The following YAP1 variants were observed in gnomAD, a reference collection of about 807,000 sequenced individuals.
YAP1 encodes Yes1 associated transcriptional regulator.
A neutral mutation model predicts 56.9 loss-of-function variants in YAP1; 5 were observed. The observed-to-expected ratio is 0.09, with a 90% CI of 0.05 to 0.18. The LOEUF is 0.18. Ranked by LOEUF, YAP1 falls within the 10% of genes least tolerant of loss-of-function variation. The pLI is 1.00. For synonymous variants in YAP1, 265 were observed against 248.1 expected (o/e 1.07, Z -0.64); for missense variants, 539 against 651.8 (o/e 0.83, Z 1.88).
At chr11:102,151,052 A>ATGCCTGACCCCGTGGTTGCTGGTCTCGAG (rs1945625702) in intron 2 of YAP1, among the ~76,000 whole-genome samples, 1 of 151,826 alleles carries the variant, frequency 6.6e-6, no homozygotes, top group African/African-American at 2.4e-5. Flanking sequence ...CTGGTCTCGA[A>ATGCCTGACCCCGTGGTTGCTGGTCTCGAG]TGCCTGACCC....
intron 6 of YAP1, among the ~76,000 whole-genome samples, chr11:102,210,830 G>A (rs903498833): frequency 1.3e-5 from 2 of 151,972 alleles, no homozygotes; most frequent in African/African-American, 2.4e-5. Flanking sequence ...TCGGCTCACT[G>A]CAAGCTCCGC....
chr11:102,215,842 T>G (rs1227935724), intron 6 of YAP1, among the ~76,000 whole-genome samples: 1 of 152,148 alleles, frequency 6.6e-6, no homozygotes, highest in Non-Finnish European at 1.5e-5. Context: ...GAAGATAAAA[T>G]AGTGTTGCTA....
At chr11:102,172,532 A>C (rs540684554) in intron 3 of YAP1, among the ~76,000 whole-genome samples, 74 of 137,600 alleles carry the variant, frequency 5.4e-4, no homozygotes, top group African/African-American at 1.9e-3. Flanking sequence ...GTGTATGCCT[A>C]TAGTCCCAGC....
chr11:102,198,209 C>G (rs576062843), intron 4 of YAP1, among the ~76,000 whole-genome samples: 9 of 152,218 alleles, frequency 5.9e-5, no homozygotes, highest in African/African-American at 2.2e-4. Flanking sequence ...TTTTGATATC[C>G]TAACTAATTT....
chr11:102,180,236 C>T (rs564153433), intron 3 of YAP1, among the ~76,000 whole-genome samples: 33 of 151,956 alleles, frequency 2.2e-4, no homozygotes, highest in African/African-American at 7.2e-4. Flanking sequence ...AGGCTGGTCT[C>T]GAACTCCTGA....
At chr11:102,206,566 C>A (rs1249308953) in intron 5 of YAP1, among the ~76,000 whole-genome samples, 1 of 152,206 alleles carries the variant, frequency 6.6e-6, no homozygotes, top group Non-Finnish European at 1.5e-5. Flanking sequence ...TTACCTTTGG[C>A]CAGGTGCGGT....
intron 3 of YAP1, among the ~76,000 whole-genome samples, chr11:102,164,920 C>G (rs1946510989): frequency 6.6e-6 from 1 of 152,166 alleles, no homozygotes; most frequent in Non-Finnish European, 1.5e-5. Context: ...AGGGTTTTCT[C>G]CATGTTGGTC....
intron 2 of YAP1, among the ~76,000 whole-genome samples, chr11:102,141,259 AT>A (rs1332385496): frequency 6.6e-6 from 1 of 152,144 alleles, no homozygotes; most frequent in Non-Finnish European, 1.5e-5. Context: ...TAGCATAGAG[AT>A]GCAGCACAAT....
chr11:102,146,958 A>G (rs1945355507), intron 2 of YAP1, among the ~76,000 whole-genome samples: 1 of 152,240 alleles, frequency 6.6e-6, no homozygotes, highest in African/African-American at 2.4e-5. Flanking sequence ...TCTATCAATA[A>G]TAACAATAAT....
At chr11:102,225,458 C>T (rs2135711102) in intron 7 of YAP1, among the ~76,000 whole-genome samples, 1 of 152,318 alleles carries the variant, frequency 6.6e-6, no homozygotes, top group South Asian at 2.1e-4. Flanking sequence ...GCACTCCAGC[C>T]TGGGCAACAA....
intron 3 of YAP1, among the ~76,000 whole-genome samples, chr11:102,177,327 T>G (rs1469001782): frequency 6.6e-6 from 1 of 152,182 alleles, no homozygotes; most frequent in Non-Finnish European, 1.5e-5. Flanking sequence ...GAGGACTTCC[T>G]CCTTAGAGGA....
chr11:102,140,407 T>C (rs1018346222), intron 2 of YAP1, among the ~76,000 whole-genome samples: 1 of 152,210 alleles, frequency 6.6e-6, no homozygotes, highest in Admixed American at 6.5e-5. Flanking sequence ...AAAAGTCATA[T>C]GGGCATTCTA....
intron 3 of YAP1, among the ~76,000 whole-genome samples, chr11:102,180,555 G>A (rs1227323449): frequency 2.6e-5 from 4 of 151,282 alleles, no homozygotes; most frequent in East Asian, 2.0e-4. Context: ...GGTGGCGGGC[G>A]CCTGTAGTCC....
At chr11:102,141,635 C>G (rs946113065) in intron 2 of YAP1, among the ~76,000 whole-genome samples, 1 of 152,138 alleles carries the variant, frequency 6.6e-6, no homozygotes, top group African/African-American at 2.4e-5. Flanking sequence ...GGATTTTATT[C>G]TGTATTGAAT....
At chr11:102,164,160 C>T (rs568809898) in intron 3 of YAP1, among the ~76,000 whole-genome samples, 1 of 152,054 alleles carries the variant, frequency 6.6e-6, no homozygotes, top group South Asian at 2.1e-4. Context: ...GCCTCAGCCT[C>T]CCGAGCTGGT....
At chr11:102,121,530 T>C (rs1471414313) in intron 2 of YAP1, among the ~76,000 whole-genome samples, 1 of 152,180 alleles carries the variant, frequency 6.6e-6, no homozygotes, top group Non-Finnish European at 1.5e-5. Flanking sequence ...AATCTTGTGC[T>C]GTCCAGTCTG....
At position 102,229,751 on chromosome 11, in the gene YAP1, A is replaced by T. The variant is rs201530575; in HGVS notation, c.1326A>T (p.Pro442=). The T allele has an allele frequency of 1.2e-6, 2 of 1,614,178 alleles. No homozygotes were observed. The highest frequency in any genetic ancestry group is 1.7e-6 in the Non-Finnish European group (2 of 1,180,000). ...STLPSQQNRF[P]DYLEAIPGTN... ...TGCCCTCACAGCAGAACCGTTTCCCAGACTACCTTGAAGCCATTCCTGGGA... is the reference window on the plus strand; with the variant it reads ...TGCCCTCACAGCAGAACCGTTTCCCTGACTACCTTGAAGCCATTCCTGGGA... Residue 442 remains proline, a synonymous_variant, in exon 9 of 9, where the codon CCA becomes CCT. Coordinates refer to ENST00000282441, the MANE Select transcript of YAP1 (RefSeq NM_001130145.3).
intron 3 of YAP1, 114 bp from the exon 4 acceptor site, chr11:102,185,904 A>C: frequency 9.4e-7 from 1 of 1,061,800 alleles, no homozygotes; most frequent in Non-Finnish European, 1.3e-6. Flanking sequence ...AATATGTTTC[A>C]ATGAATTGTT....
chr11:102,121,481 T>A (rs535966239), intron 2 of YAP1, among the ~76,000 whole-genome samples: 1 of 152,120 alleles, frequency 6.6e-6, no homozygotes. Context: ...TTCATAAGTT[T>A]TAAATTGCAG....
Sources: gnomAD v4.1 joint callset for allele counts (sites outside exome capture counted in the v4.1 genomes callset) on GRCh38, gnomAD v4.1.1 for gene constraint, MANE v1.5 for transcripts, NCBI Gene and HGNC (gene_info 2026-07-23, HGNC 2026-07-21) for gene names.